SYDE1: variants seen among roughly 807,000 people sequenced by gnomAD.
The protein encoded by SYDE1 is synapse defective Rho GTPase activating protein 1.
A neutral mutation model predicts 63.3 loss-of-function variants in SYDE1; 34 were observed. The ratio of observed to expected loss-of-function variants is 0.54; its 90% CI spans 0.41 to 0.71. The LOEUF (loss-of-function observed/expected upper bound fraction) is 0.71, where lower values mean the gene tolerates loss of function less well. SYDE1 is among the 30% of genes least tolerant of loss of function. The pLI, the probability that SYDE1 is intolerant of heterozygous loss-of-function variation, is 0.00. For synonymous variants in SYDE1, 467 were observed against 473.4 expected (o/e 0.99, Z 0.18); for missense variants, 925 against 1,042.5 (o/e 0.89, Z 1.55).
Position 15,114,185 on chromosome 19 carries a change from GGGACCA to G in SYDE1, c.*224_*229del, listed in dbSNP as rs2046367543. On this transcript the variant is annotated 3_prime_UTR_variant, in exon 8 of 8. Coordinates refer to ENST00000342784, the MANE Select transcript of SYDE1 (RefSeq NM_033025.6). ...CCAAGTCTGGGGCCTGGGGATTTTAGGGACCAGCGGTTGTGACCATCTTTCCTGAGC... is the reference window on the plus strand; with the variant it reads ...CCAAGTCTGGGGCCTGGGGATTTTAGGCGGTTGTGACCATCTTTCCTGAGC... 1.8e-6 allele frequency: 1 copy of G among 553,508 alleles called. No homozygotes were observed. Among genetic ancestry groups the G allele is most frequent in the Non-Finnish European group, 3.2e-6 (1 of 313,306 alleles). 34.3% of individuals were successfully genotyped at this position (553,508 alleles called of 1,614,324 possible).
rs35125109 is a variant in SYDE1 at position 15,114,627 on chromosome 19, G to GC, written c.*675dup. ...ATCCCCATCTCCTTGCCCCCCCCTT[G>GC]CCCCCCCCCCCGAAAAAAATTGAGC... is the stretch of plus-strand genomic sequence containing the variant. On this transcript the variant is annotated 3_prime_UTR_variant, in exon 8 of 8. Coordinates refer to ENST00000342784, the MANE Select transcript of SYDE1 (RefSeq NM_033025.6). 34,975 of 94,682 alleles carry GC rather than the reference G, an allele frequency of 0.37. 7,621 individuals carry two copies. The highest frequency in any genetic ancestry group is 0.44 in the Non-Finnish European group (21,632 of 49,520). 5.9% of individuals were successfully genotyped at this position (94,682 alleles called of 1,614,324 possible).
In SYDE1 at chr19:15,113,571, C is replaced by T. The variant is rs1419744617; in HGVS notation, c.1816C>T (p.Pro606Ser). ...CTGTCTCCCTTCAGATCCCCGCCTG[C>T]CCCGACAATCTCCAGATGTCGCGCC... Reference protein sequence around the residue: ...LLQSWPDPRLPRQSPDVAPYL... With the variant: ...LLQSWPDPRLSRQSPDVAPYL... The change falls in exon 8 of 8, where the codon CCC (proline) becomes TCC (serine). Residue 606 changes from proline (P) to serine (S), a missense_variant. Around this residue, in one of 3 missense-constraint regions of SYDE1, gnomAD observed 255 missense variants for 255.9 expected, o/e 1.00. Coordinates refer to ENST00000342784, the MANE Select transcript of SYDE1 (RefSeq NM_033025.6). The T allele has an allele frequency of 1.3e-6, 2 of 1,558,632 alleles. No individual in the cohort carries two copies. The highest frequency in any genetic ancestry group is 3.7e-5 in the Admixed American group (2 of 53,692).
intron 7 of SYDE1, among the ~76,000 whole-genome samples, chr19:15,113,039 G>A (rs1219996038): frequency 6.6e-6 from 1 of 152,072 alleles, no homozygotes; most frequent in Admixed American, 6.6e-5. Flanking sequence ...CGAGTAGCTG[G>A]GATTATAGGC....
chr19:15,107,646 T>G (rs1216906411), intron 1 of SYDE1, 125 bp downstream of exon 1: 13 of 312,228 alleles, frequency 4.2e-5, no homozygotes, highest in South Asian at 9.5e-5. Context: ...CGCTGCAGAC[T>G]GGGGTGCCTC....
At position 15,110,257 on chromosome 19, in the gene SYDE1, C is replaced by G. The variant is rs762705035; in HGVS notation, c.984C>G (p.Leu328=). 3 of 1,414,236 alleles carry G rather than the reference C, an allele frequency of 2.1e-6. No homozygotes were observed. The highest frequency in any genetic ancestry group is 3.2e-5 in the South Asian group (2 of 63,374). 87.6% of individuals were successfully genotyped at this position (1,414,236 alleles called of 1,614,324 possible). Residue 328 remains leucine (L), a synonymous_variant, in exon 3 of 8, where the codon CTC becomes CTG. Transcript: ENST00000342784. This position sits in a 1 kb window ranked among gnomAD's most constrained non-coding sequence, Gnocchi z 6.9. ...ACCTGGAGCTGGAGGCCGCCAGGCT[C>G]CTGCGCGCCCTGGTGCTTGCGTGGG... ...TFHLELEAAR[L]LRALVLAWDP... is the part of the protein sequence containing the mutation.
chr19:15,113,669 C>A lies in SYDE1; in HGVS notation c.1914C>A (p.Arg638=), dbSNP rs1475747330. 10 of 1,613,070 alleles carry A rather than the reference C, an allele frequency of 6.2e-6. No individual in the cohort carries two copies. Among genetic ancestry groups the A allele is most frequent in the Non-Finnish European group, 8.5e-6 (10 of 1,179,782 alleles). The change falls in exon 8 of 8, where the codon CGC becomes CGA. Residue 638 remains arginine, a synonymous_variant. Transcript: ENST00000342784. ...LADPEVVTRP[R]GRGGPESPPS... ...ACCCCGAAGTGGTGACTCGGCCCCG[C>A]GGTCGAGGAGGCCCCGAAAGCCCCC...
Position 15,111,459 on chromosome 19 carries a change from C to T in SYDE1, c.1417+20C>T. 1 of 1,612,886 alleles carries T rather than the reference C, an allele frequency of 6.2e-7. No homozygotes were observed. The highest frequency in any genetic ancestry group is 1.1e-5 in the South Asian group (1 of 91,010). On this transcript the variant is annotated intron_variant, in intron 5 of 7. Coordinates refer to ENST00000342784, the MANE Select transcript of SYDE1 (RefSeq NM_033025.6). This position sits in a 1 kb window ranked among gnomAD's most constrained non-coding sequence, Gnocchi z 5.5. ...TCACTGGTCAGCATGGCCCCCTCTC[C>T]CCTGCCTGCTCACCCCCATTCAATG... is the stretch of plus-strand genomic sequence containing the variant.
rs760957685 is a variant in SYDE1 at position 15,111,760 on chromosome 19, G to C, written c.1546G>C (p.Gly516Arg). 1 of 1,601,452 alleles carries C rather than the reference G, an allele frequency of 6.2e-7. No homozygotes were observed. The highest frequency in any genetic ancestry group is 1.7e-5 in the Admixed American group (1 of 58,412). Reference protein sequence around the residue: ...RVPPTTEGTRGLLSCLPDVER... With the variant: ...RVPPTTEGTRRLLSCLPDVER... The stretch of plus-strand genomic sequence containing the variant: ...TCCCCCCACCACTGAGGGCACCCGA[G>C]GGCTCCTCAGCTGCCTGCCAGATGT... Residue 516 changes from glycine to arginine, a missense_variant, in exon 6 of 8, where the codon GGG (glycine) becomes CGG (arginine). Coordinates refer to ENST00000342784, the MANE Select transcript of SYDE1 (RefSeq NM_033025.6). The surrounding 1 kb of genome is among the most constrained non-coding windows in gnomAD (Gnocchi z 5.5).
In SYDE1 at chr19:15,110,305, G is replaced by C. The variant is rs1041892748; in HGVS notation, c.1032G>C (p.Arg344=). 4 of 1,424,278 alleles carry C rather than the reference G, an allele frequency of 2.8e-6. No homozygotes were observed. In the Admixed American group the frequency reaches 1.2e-4, roughly 42 times the overall value. 88.2% of individuals were successfully genotyped at this position (1,424,278 alleles called of 1,614,324 possible). A position where few individuals can be genotyped will look rare whatever the true frequency, so the allele number is the denominator to read the frequency against. The part of the protein sequence containing the change: ...LAWDPGVRRH[R]PCAQGTVLLP... ...GGGACCCTGGCGTGAGAAGGCACCG[G>C]CCCTGTGCCCAGGGCACCGTGCTGC... The change falls in exon 3 of 8, where the codon CGG becomes CGC. Residue 344 remains arginine, a synonymous_variant. Coordinates refer to ENST00000342784, the MANE Select transcript of SYDE1 (RefSeq NM_033025.6). The surrounding 1 kb of genome is among the most constrained non-coding windows in gnomAD (Gnocchi z 6.9).
At position 15,113,699 on chromosome 19, in the gene SYDE1, C is replaced by G. The variant is rs747222418; in HGVS notation, c.1944C>G (p.Ser648Arg). 1 of 1,613,474 alleles carries G rather than the reference C, an allele frequency of 6.2e-7. No homozygotes were observed. The highest frequency in any genetic ancestry group is 8.5e-7 in the Non-Finnish European group (1 of 1,179,832). Reference protein sequence around the residue: ...RGRGGPESPPSNRYAGDWSVC... With the variant: ...RGRGGPESPPRNRYAGDWSVC... Reference sequence around the variant, plus strand: ...GAGGAGGCCCCGAAAGCCCCCCGAGCAACCGCTACGCCGGCGACTGGAGCG... The same window carrying G: ...GAGGAGGCCCCGAAAGCCCCCCGAGGAACCGCTACGCCGGCGACTGGAGCG... The change falls in exon 8 of 8, where the codon AGC becomes AGG. Residue 648 changes from serine to arginine, a missense_variant. Physicochemically the swap from Ser to Arg is moderately radical, Grantham distance 110 (BLOSUM62 -1). Coordinates refer to ENST00000342784, the MANE Select transcript of SYDE1 (RefSeq NM_033025.6).
chr19:15,111,875 T>G lies in SYDE1; in HGVS notation c.1578+83T>G. ...GTTTCACCCATGCCTGGGCCTGAGATGGGCATGAGCTGGCAGCATCATCAT... is the reference window on the plus strand; with the variant it reads ...GTTTCACCCATGCCTGGGCCTGAGAGGGGCATGAGCTGGCAGCATCATCAT... On this transcript the variant is annotated intron_variant, in intron 6 of 7. Coordinates refer to ENST00000342784, the MANE Select transcript of SYDE1 (RefSeq NM_033025.6). This position sits in a 1 kb window ranked among gnomAD's most constrained non-coding sequence, Gnocchi z 5.5. 20 of 1,359,932 alleles carry G rather than the reference T, an allele frequency of 1.5e-5. No individual in the cohort carries two copies. Among genetic ancestry groups the G allele is most frequent in the Non-Finnish European group, 2.0e-5 (20 of 1,002,548 alleles). 84.2% of individuals were successfully genotyped at this position (1,359,932 alleles called of 1,614,324 possible). A position where few individuals can be genotyped will look rare whatever the true frequency, so the allele number is the denominator to read the frequency against.
chr19:15,110,714 G>C lies in SYDE1; in HGVS notation c.1269G>C (p.Gln423His), dbSNP rs367854100. Residue 423 changes from glutamine to histidine, a missense_variant, in exon 4 of 8, where the codon CAG becomes CAC. Transcript: ENST00000342784. The surrounding 1 kb of genome is among the most constrained non-coding windows in gnomAD (Gnocchi z 6.9). Reference sequence around the variant, plus strand: ...TCATCATCCAGAAGTGCGTTGGGCAGATCGAGCGCCGAGGGCTGCGGGTGA... The same window carrying C: ...TCATCATCCAGAAGTGCGTTGGGCACATCGAGCGCCGAGGGCTGCGGGTGA... ...VPLIIQKCVG[Q>H]IERRGLRVVG... The C allele has an allele frequency of 5.3e-5, 83 of 1,567,828 alleles. No individual in the cohort carries two copies. The highest frequency in any genetic ancestry group is 7.0e-5 in the Non-Finnish European group (81 of 1,159,344).
chr19:15,111,734 T>A lies in SYDE1; in HGVS notation c.1520T>A (p.Val507Asp), dbSNP rs558734014. ...ATGGCCCGGGACCCCCCAAACAGAG[T>A]TCCCCCCACCACTGAGGGCACCCGA... is the stretch of plus-strand genomic sequence containing the variant. ...EAMARDPPNR[V>D]PPTTEGTRGL... The change falls in exon 6 of 8, where the codon GTT becomes GAT. Residue 507 changes from valine to aspartate, a missense_variant. Around this residue, in one of 3 missense-constraint regions of SYDE1, gnomAD observed 71 missense variants for 132.8 expected, o/e 0.53. Transcript: ENST00000342784. This position sits in a 1 kb window ranked among gnomAD's most constrained non-coding sequence, Gnocchi z 5.5. The A allele has an allele frequency of 1.1e-5, 17 of 1,551,890 alleles. No homozygotes were observed. The highest frequency in any genetic ancestry group is 2.5e-5 in the East Asian group (1 of 39,906).
chr19:15,108,990 T>C lies in SYDE1; in HGVS notation c.89-66T>C, dbSNP rs565967567. On this transcript the variant is annotated intron_variant, in intron 1 of 7. Coordinates refer to ENST00000342784, the MANE Select transcript of SYDE1 (RefSeq NM_033025.6). This position sits in a 1 kb window ranked among gnomAD's most constrained non-coding sequence, Gnocchi z 4.3. Reference sequence around the variant, plus strand: ...ACACAGCATCCCACCCACTGATCAATTGCACAGGGCTGCTCTGCAGGCAGT... The same window carrying C: ...ACACAGCATCCCACCCACTGATCAACTGCACAGGGCTGCTCTGCAGGCAGT... 38 of 1,432,452 alleles carry C rather than the reference T, an allele frequency of 2.7e-5. No individual in the cohort carries two copies. The highest frequency in any genetic ancestry group is 3.3e-5 in the Non-Finnish European group (36 of 1,097,446). The allele number at this position is 1,432,452 out of a possible 1,614,324, so 88.7% of individuals were successfully genotyped here.
At chr19:15,107,745 C>G (rs534246144) in intron 1 of SYDE1, among the ~76,000 whole-genome samples, 38 of 149,088 alleles carry the variant, frequency 2.5e-4, no homozygotes, top group South Asian at 4.3e-4. Context: ...GGGATGCCAG[C>G]GCTGCGGGCT....
intron 7 of SYDE1, 129 bp from the exon 8 acceptor site, chr19:15,113,431 G>C: frequency 9.0e-7 from 1 of 1,111,244 alleles, no homozygotes; most frequent in Non-Finnish European, 1.3e-6. Flanking sequence ...ACCAGTCCTA[G>C]CTCTGCCAGT....
chr19:15,112,172 C>T (rs2046349398), intron 6 of SYDE1, among the ~76,000 whole-genome samples, 174 bp from the exon 7 acceptor site: 1 of 152,212 alleles, frequency 6.6e-6, no homozygotes, highest in Admixed American at 6.5e-5. Flanking sequence ...AGTCTTCCCT[C>T]CAACAAAATA....
chr19:15,107,631 C>A, intron 1 of SYDE1, 110 bp downstream of exon 1: 2 of 630,894 alleles, frequency 3.2e-6, no homozygotes, highest in Non-Finnish European at 5.1e-6. Context: ...GAGCCCCCCG[C>A]ACCCCGCTGC....
Position 15,110,910 on chromosome 19 carries a change from C to T in SYDE1, c.1290+175C>T, listed in dbSNP as rs2046342220. Among the ~76,000 whole-genome samples, 1 of 152,164 alleles carries T rather than the reference C, an allele frequency of 6.6e-6. No homozygotes were observed. The highest frequency in any genetic ancestry group is 2.1e-4 in the South Asian group (1 of 4,832). ...TGACTGTAGCACCCTGGGCAGAACC[C>T]ATGGGTCATCCATTGATTTAAAAAC... On this transcript the variant is annotated intron_variant, in intron 4 of 7. Transcript: ENST00000342784. This position sits in a 1 kb window ranked among gnomAD's most constrained non-coding sequence, Gnocchi z 6.9.
Sources: allele counts gnomAD v4.1 joint callset (sites outside exome capture counted in the v4.1 genomes callset), GRCh38; gene constraint gnomAD v4.1.1; regional missense constraint gnomAD v4.1.1; non-coding constraint Gnocchi (gnomAD v3.1); transcripts MANE v1.5; gene names NCBI Gene and HGNC (gene_info 2026-07-23, HGNC 2026-07-21).